The following COPE variants were observed in gnomAD, a reference collection of about 807,000 sequenced individuals.
The protein encoded by COPE is coat protein complex I subunit epsilon.
Under a neutral mutation model 42.1 loss-of-function variants are expected in COPE, and 19 were observed. That is an observed-to-expected ratio of 0.45 (90% CI 0.31 to 0.66). The LOEUF (loss-of-function observed/expected upper bound fraction) is 0.66. Among genes scored for constraint, COPE ranks in the 30% least tolerant of loss-of-function variants. The pLI, the probability that COPE is intolerant of heterozygous loss-of-function variation, is 0.05. For synonymous variants in COPE, 195 were observed against 181.3 expected, an observed-to-expected ratio of 1.08 and a Z score of -0.60; for missense variants, 402 against 416.1, an observed-to-expected ratio of 0.97 and a Z score of 0.30.
rs751474043 is a variant in COPE, at chr19:18,899,930, C to G, written c.822G>C (p.Leu274=). ...ACCTGTGGGCATCCTTCAGCTGGGA[C>G]AGGTATCGGTTTGTCACCTGCAGGG... ...GKPPEVTNRY[L]SQLKDAHRSH... is the part of the protein sequence containing the mutation. The change falls in exon 9 of 10, where the codon CTG becomes CTC. Residue 274 remains leucine (L), a synonymous_variant. Coordinates refer to ENST00000262812, the MANE Select transcript of COPE (RefSeq NM_007263.4). The G allele has an allele frequency of 1.9e-6, 3 of 1,613,222 alleles. No homozygotes were observed. In the African/African-American group the frequency reaches 4.0e-5, roughly 22 times the overall value.
chr19:18,910,307 T>C (rs2056797695), intron 3 of COPE, among the ~76,000 whole-genome samples: 1 of 152,010 alleles, frequency 6.6e-6, no homozygotes, highest in African/African-American at 2.4e-5. Flanking sequence ...CAGGTTGCAG[T>C]CCCCAACTAG....
intron 3 of COPE, among the ~76,000 whole-genome samples, chr19:18,908,302 C>T (rs2056779287): frequency 6.6e-6 from 1 of 151,954 alleles, no homozygotes; most frequent in Non-Finnish European, 1.5e-5. Context: ...CTGGTGGCGC[C>T]TGTAGTCCCA....
At chr19:18,913,715 G>A (rs1260932521) in intron 1 of COPE, among the ~76,000 whole-genome samples, 1 of 152,200 alleles carries the variant, frequency 6.6e-6, no homozygotes, top group African/African-American at 2.4e-5. Flanking sequence ...ATGGCCTGAG[G>A]GTGCTCGCCC....
chr19:18,901,310 G>T (rs1186324123), intron 7 of COPE, among the ~76,000 whole-genome samples: 4 of 152,398 alleles, frequency 2.6e-5, no homozygotes, highest in African/African-American at 9.6e-5. Flanking sequence ...CCCAGAGGAT[G>T]CGGCCATGAA....
chr19:18,918,666 C>T (rs2056881300), intron 1 of COPE, among the ~76,000 whole-genome samples: 1 of 152,134 alleles, frequency 6.6e-6, no homozygotes, highest in African/African-American at 2.4e-5. Context: ...TGGGCGCATG[C>T]GATCTGCCCG....
chr19:18,900,445 C>A lies in COPE; in HGVS notation c.740G>T (p.Ser247Ile), dbSNP rs1226891564. The change falls in exon 8 of 10, where the codon AGT becomes ATT. Residue 247 changes from serine to isoleucine, a missense_variant. Physicochemically the swap from Ser to Ile is moderately radical, Grantham distance 142. Transcript: ENST00000262812. Reference sequence around the variant, plus strand: ...GTTGACCAGCGTCTCTGGGTAGCCACTATCCTGGAGACACAGGCAGACACG... The same window carrying A: ...GTTGACCAGCGTCTCTGGGTAGCCAATATCCTGGAGACACAGGCAGACACG... ...GLLQEALDKDSGYPETLVNLI... is the reference protein window; with the variant it reads ...GLLQEALDKDIGYPETLVNLI... 8 of 1,548,422 alleles carry A rather than the reference C, an allele frequency of 5.2e-6. No homozygotes were observed. The South Asian group carries it at 6.0e-5, about 12-fold the overall frequency.
intron 3 of COPE, among the ~76,000 whole-genome samples, chr19:18,907,713 C>T (rs1389714392): frequency 6.6e-6 from 1 of 152,232 alleles, no homozygotes; most frequent in Non-Finnish European, 1.5e-5. Flanking sequence ...TGGACCCAGA[C>T]CCTCCATTCC....
chr19:18,904,915 C>T (rs2056744362), intron 5 of COPE, 63 bp from the exon 6 acceptor site: 1 of 1,502,664 alleles, frequency 6.7e-7, no homozygotes, highest in East Asian at 2.5e-5. Context: ...GCCATCCCTG[C>T]CTTGTCCCCA....
At chr19:18,919,098 A>C (rs1482051664) in intron 1 of COPE, 125 bp downstream of exon 1, 8 of 940,812 alleles carry the variant, frequency 8.5e-6, no homozygotes, top group Non-Finnish European at 1.3e-5. Context: ...TGAACTGTGG[A>C]AGAGGTGGCC....
chr19:18,905,664 G>T, intron 4 of COPE, 35 bp from the exon 5 acceptor site: 1 of 1,576,242 alleles, frequency 6.3e-7, no homozygotes, highest in Non-Finnish European at 8.5e-7. Context: ...TCAGCGGGTC[G>T]CCACAGACAC....
rs1369167242 is a variant in COPE, at chr19:18,902,767, G to GGAAA, written c.735+500_735+501insTTTC. On this transcript the variant is annotated intron_variant, in intron 7 of 9. Coordinates refer to ENST00000262812, the MANE Select transcript of COPE (RefSeq NM_007263.4). Reference sequence around the variant, plus strand: ...GGAAGGAAAGGAAGGAAGGAAGGAAGGGAAAGAAGGAAGGAAGGAAGGAAG... The same window carrying GGAAA: ...GGAAGGAAAGGAAGGAAGGAAGGAAGGAAAGGAAAGAAGGAAGGAAGGAAGGAAG... Among the ~76,000 whole-genome samples the GGAAA allele has an allele frequency of 1.0e-3, 29 of 29,074 alleles. 6 individuals are homozygous for GGAAA. The highest frequency in any genetic ancestry group is 1.3e-3 in the African/African-American group (5 of 3,814). 19.1% of individuals were successfully genotyped at this position (29,074 alleles called of 152,430 possible).
At chr19:18,906,645 C>A (rs1158826273) in intron 4 of COPE, 4 of 261,602 alleles carry the variant, frequency 1.5e-5, no homozygotes, top group Non-Finnish European at 7.3e-6. Context: ...GGGCCCAGGG[C>A]CGAGACACAG....
chr19:18,899,778 G>C (rs746756716), intron 9 of COPE, 52 bp from the exon 10 acceptor site: 5 of 1,612,032 alleles, frequency 3.1e-6, no homozygotes, highest in Non-Finnish European at 4.2e-6. Context: ...TGGGGAGACA[G>C]GTGGAGGGAG....
chr19:18,917,727 G>A (rs1436627661), intron 1 of COPE, among the ~76,000 whole-genome samples: 4 of 152,050 alleles, frequency 2.6e-5, no homozygotes, highest in African/African-American at 9.7e-5. Flanking sequence ...AAGACAGCTC[G>A]GACAGAGAGA....
In COPE at chr19:18,904,786, C is replaced by A; in HGVS notation, c.564G>T (p.Trp188Cys). The part of the protein sequence containing the change: ...DATLTQLATA[W>C]VSLATGGEKL... ...TAGGGCTCACCGTGGCCAGGCTGAC[C>A]CAGGCAGTGGCGAGCTGGGTGAGGG... is the stretch of plus-strand genomic sequence containing the variant. Residue 188 changes from tryptophan to cysteine, a missense_variant, in exon 6 of 10, where the codon TGG becomes TGT. Transcript: ENST00000262812. The A allele has an allele frequency of 6.4e-7, 1 of 1,553,832 alleles. No individual in the cohort carries two copies.
intron 4 of COPE, 178 bp downstream of exon 4, chr19:18,906,782 G>T: frequency 1.5e-6 from 1 of 659,708 alleles, no homozygotes; most frequent in Non-Finnish European, 2.5e-6. Flanking sequence ...GTGCGCAGAT[G>T]GGAGTGCCTC....
intron 3 of COPE, chr19:18,910,676 G>C: frequency 2.3e-6 from 1 of 436,192 alleles, no homozygotes; most frequent in Non-Finnish European, 4.3e-6. Context: ...AGGGCTGCTC[G>C]GTAATTGATA....
chr19:18,900,936 G>C (rs1025129221), intron 7 of COPE, among the ~76,000 whole-genome samples: 1 of 152,214 alleles, frequency 6.6e-6, no homozygotes, highest in African/African-American at 2.4e-5. Context: ...CAGAGCCCTG[G>C]TGTCTGCTTG....
chr19:18,903,763 G>T (rs754345852), intron 6 of COPE, among the ~76,000 whole-genome samples: 1 of 152,220 alleles, frequency 6.6e-6, no homozygotes, highest in African/African-American at 2.4e-5. Context: ...AGAGGAGGAG[G>T]AGTCAGCTCT....
Sources: gnomAD v4.1 joint callset for allele counts (sites outside exome capture counted in the v4.1 genomes callset) on GRCh38, gnomAD v4.1.1 for gene constraint, MANE v1.5 for transcripts, NCBI Gene and HGNC (gene_info 2026-07-23, HGNC 2026-07-21) for gene names.